The following APC variants were observed in gnomAD, a reference collection of about 807,000 sequenced individuals.
The protein encoded by APC is APC regulator of Wnt signaling pathway.
A neutral mutation model predicts 247.0 loss-of-function variants in APC; 72 were observed. The observed-to-expected ratio is 0.29, with a 90% CI of 0.24 to 0.35. APC has a LOEUF of 0.35. Among genes scored for constraint, APC ranks in the 10% least tolerant of loss-of-function variants. APC has a pLI of 1.00. For missense variants in APC, 3,400 were observed against 3,360.7 expected, an observed-to-expected ratio of 1.01 and a Z score of -0.29; for synonymous variants, 1,254 against 1,162.5, an observed-to-expected ratio of 1.08 and a Z score of -1.60.
chr5:112,721,891 G>A lies in APC; in HGVS notation c.165+14009G>A, dbSNP rs536302432. 6.7e-4 allele frequency among the ~76,000 whole-genome samples: 101 copies of A among 151,296 alleles called. 1 individual carries two copies. The South Asian group carries it at 0.012, about 18-fold the overall frequency. ...TGATGAGCTTGAAAAAAAATTGCAG[G>A]AAAAAAAAATCTCCTAATGTTTTAA... is the stretch of plus-strand genomic sequence containing the variant. On this transcript the variant is annotated intron_variant, in intron 1 of 13. Transcript: ENST00000507379.
At chr5:112,825,857 A>G (rs949831505) in intron 11 of APC, among the ~76,000 whole-genome samples, 3 of 152,166 alleles carry the variant, frequency 2.0e-5, no homozygotes, top group African/African-American at 4.8e-5. Context: ...CTTTGCTCCA[A>G]TCTGTACGCT....
At chr5:112,790,254 A>G (rs1432017904) in intron 6 of APC, among the ~76,000 whole-genome samples, 1 of 151,982 alleles carries the variant, frequency 6.6e-6, no homozygotes, top group Non-Finnish European at 1.5e-5. Flanking sequence ...AGAGGGAGAA[A>G]ATTAAGATAG....
intron 4 of APC, among the ~76,000 whole-genome samples, chr5:112,773,527 T>C (rs1757285253): frequency 1.3e-5 from 2 of 152,226 alleles, no homozygotes; most frequent in African/African-American, 4.8e-5. Context: ...GCCTGTCTAT[T>C]GACCTGAAGC....
chr5:112,775,868 C>G, intron 5 of APC, 131 bp downstream of exon 5: 1 of 566,102 alleles, frequency 1.8e-6, no homozygotes. Flanking sequence ...TTTTACCCAA[C>G]TTTAGGCCTG....
At chr5:112,816,624 T>C (rs1472876348) in intron 9 of APC, among the ~76,000 whole-genome samples, 1 of 151,786 alleles carries the variant, frequency 6.6e-6, no homozygotes, top group Non-Finnish European at 1.5e-5. Context: ...TGAAACCCCG[T>C]CTCTACTAAA....
At chr5:112,753,197 C>T (rs1754570987) in intron 1 of APC, among the ~76,000 whole-genome samples, 1 of 152,082 alleles carries the variant, frequency 6.6e-6, no homozygotes, top group African/African-American at 2.4e-5. Context: ...ATTTTCAGAC[C>T]TGCTTATTAA....
In APC at chr5:112,778,075, G is replaced by A. The variant is rs414098; in HGVS notation, c.531+2338G>A. ...TATCCCACTTTCCTATTCACTACACGTCAGTCTAGTACATTTTCCATCACA... is the reference window on the plus strand; with the variant it reads ...TATCCCACTTTCCTATTCACTACACATCAGTCTAGTACATTTTCCATCACA... On this transcript the variant is annotated intron_variant, in intron 5 of 15. Transcript: ENST00000257430. 0.43 allele frequency: 88,489 copies of A among 207,008 alleles called. 21,992 individuals are homozygous for A. Among genetic ancestry groups the A allele is most frequent in the East Asian group, 0.66 (5,353 of 8,058 alleles). The allele number at this position is 207,008 out of a possible 1,614,324, so 12.8% of individuals were successfully genotyped here. A position where few individuals can be genotyped will look rare whatever the true frequency, so the allele number is the denominator to read the frequency against.
At position 112,838,425 on chromosome 5, in the gene APC, A is replaced by G; in HGVS notation, c.2831A>G (p.Asn944Ser). The G allele has an allele frequency of 6.2e-7, 1 of 1,614,220 alleles. No homozygotes were observed. The change falls in exon 16 of 16, where the codon AAT becomes AGT. Residue 944 changes from asparagine (N) to serine (S), a missense_variant. Around this residue, in one of 9 missense-constraint regions of APC, gnomAD observed 715 missense variants for 656.6 expected, o/e 1.09. Transcript: ENST00000257430. ...TYNFTKSENSNRTCSMPYAKL... is the reference protein window; with the variant it reads ...TYNFTKSENSSRTCSMPYAKL... ...AATTTCACTAAGTCGGAAAATTCAA[A>G]TAGGACATGTTCTATGCCTTATGCC... is the stretch of plus-strand genomic sequence containing the variant.
In APC at chr5:112,715,164, T is replaced by G. The variant is rs77022909; in HGVS notation, c.165+7282T>G. Among the ~76,000 whole-genome samples the G allele has an allele frequency of 1.7e-3, 261 of 152,338 alleles. 5 individuals are homozygous for G. The East Asian group carries it at 0.046, about 27-fold the overall frequency. On this transcript the variant is annotated intron_variant, in intron 1 of 13. Coordinates refer to the APC transcript ENST00000507379. The stretch of plus-strand genomic sequence containing the variant: ...AGCGTTACTGAATTCTACTTGTGTT[T>G]TTGTCATTTTCTCAACAAAACCAAA...
intron 8 of APC, among the ~76,000 whole-genome samples, chr5:112,804,064 C>T (rs1037094758): frequency 6.6e-6 from 1 of 152,292 alleles, no homozygotes; most frequent in East Asian, 1.9e-4. Flanking sequence ...AGGCCTTCCA[C>T]AGGACATTCC....
chr5:112,816,584 A>G (rs2087568077), intron 9 of APC, among the ~76,000 whole-genome samples: 1 of 152,104 alleles, frequency 6.6e-6, no homozygotes, highest in South Asian at 2.1e-4. Flanking sequence ...ACTTGAGGCC[A>G]GGAGTTCGAA....
chr5:112,743,677 C>G (rs979178603), intron 1 of APC, among the ~76,000 whole-genome samples: 3 of 152,148 alleles, frequency 2.0e-5, no homozygotes, highest in African/African-American at 7.2e-5. Flanking sequence ...GCAACACAGC[C>G]TTATTAAATT....
At chr5:112,763,130 G>C (rs975346804) in intron 2 of APC, among the ~76,000 whole-genome samples, 3 of 152,010 alleles carry the variant, frequency 2.0e-5, no homozygotes, top group Non-Finnish European at 4.4e-5. Flanking sequence ...GCTATCAATA[G>C]ATTTCTAACA....
rs779287035 is a variant in APC, at chr5:112,842,760, G to A, written c.7166G>A (p.Ser2389Asn). The change falls in exon 16 of 16, where the codon AGT becomes AAT. Residue 2389 changes from serine (S) to asparagine (N), a missense_variant. Around this residue, in one of 9 missense-constraint regions of APC, gnomAD observed 1,788 missense variants for 1,649.5 expected, o/e 1.08. Transcript: ENST00000257430. Reference protein sequence around the residue: ...TKQTGLSKNASSIPRSESASK... With the variant: ...TKQTGLSKNANSIPRSESASK... Reference sequence around the variant, plus strand: ...CAAACAGGTTTATCCAAGAATGCCAGTAGTATTCCAAGAAGTGAGTCTGCC... The same window carrying A: ...CAAACAGGTTTATCCAAGAATGCCAATAGTATTCCAAGAAGTGAGTCTGCC... The A allele has an allele frequency of 3.1e-6, 5 of 1,613,896 alleles. No homozygotes were observed. The African/African-American group carries it at 6.7e-5, about 22-fold the overall frequency.
intron 11 of APC, among the ~76,000 whole-genome samples, chr5:112,825,501 TG>T (rs1288243556): frequency 6.6e-6 from 1 of 152,218 alleles, no homozygotes; most frequent in East Asian, 1.9e-4. Flanking sequence ...CCCTTTCACA[TG>T]CTGTTTCCTT....
intron 6 of APC, among the ~76,000 whole-genome samples, chr5:112,789,591 A>G (rs1200429778): frequency 6.6e-6 from 1 of 152,182 alleles, no homozygotes; most frequent in Non-Finnish European, 1.5e-5. Flanking sequence ...AATATTAAAA[A>G]TTTTTATTTA....
intron 8 of APC, among the ~76,000 whole-genome samples, chr5:112,804,706 C>T (rs1308054987): frequency 6.6e-6 from 1 of 152,096 alleles, no homozygotes; most frequent in Non-Finnish European, 1.5e-5. Flanking sequence ...TTAAAAATAG[C>T]AAGTATGCTG....
intron 4 of APC, among the ~76,000 whole-genome samples, chr5:112,774,692 G>C (rs1035532415): frequency 6.6e-6 from 1 of 151,760 alleles, no homozygotes; most frequent in Admixed American, 6.6e-5. Flanking sequence ...GCCCAGGCTG[G>C]TATTGAACTC....
rs756433996 is a variant in APC at position 112,839,626 on chromosome 5, A to T, written c.4032A>T (p.Ser1344=). The T allele has an allele frequency of 2.5e-6, 4 of 1,614,182 alleles. No individual in the cohort carries two copies. Among genetic ancestry groups the T allele is most frequent in the South Asian group, 2.2e-5 (2 of 91,082 alleles). Residue 1344 remains serine (S), a synonymous_variant, in exon 16 of 16, where the codon TCA becomes TCT. Transcript: ENST00000257430. This position sits in a 1 kb window ranked among gnomAD's most constrained non-coding sequence, Gnocchi z 5.0. ...GACTGCAGGGTTCTAGTTTATCTTC[A>T]GAATCAGCCAGGCACAAAGCTGTTG... ...SSRLQGSSLS[S]ESARHKAVEF...
Sources: allele counts gnomAD v4.1 joint callset (sites outside exome capture counted in the v4.1 genomes callset), GRCh38; gene constraint gnomAD v4.1.1; regional missense constraint gnomAD v4.1.1; non-coding constraint Gnocchi (gnomAD v3.1); transcripts MANE v1.5; gene names NCBI Gene and HGNC (gene_info 2026-07-23, HGNC 2026-07-21).